ATG7: variants seen among roughly 807,000 people sequenced by gnomAD.
The protein encoded by ATG7 is ubiquitin-like modifier-activating enzyme ATG7.
ATG7 carries 70 observed loss-of-function variants against 82.4 expected under a neutral mutation model. That is an observed-to-expected ratio of 0.85 (90% CI 0.70 to 1.04). ATG7 has a LOEUF of 1.04. ATG7 is among the 50% of genes least tolerant of loss of function. The probability of loss-of-function intolerance (pLI) is 0.00; values close to 1 mark genes in which losing one functional copy is unlikely to be tolerated. For synonymous variants in ATG7, 287 were observed against 313.0 expected (o/e 0.92, Z 0.88); for missense variants, 792 against 864.3 (o/e 0.92, Z 1.05).
intron 20 of ATG7, among the ~76,000 whole-genome samples, chr3:11,513,566 CG>C (rs777434846): frequency 1.2e-4 from 19 of 152,340 alleles, no homozygotes; most frequent in Non-Finnish European, 2.1e-4. Context: ...CACGCCCACC[CG>C]GAACTCCAGC....
intron 20 of ATG7, chr3:11,510,309 G>A (rs939043171): frequency 2.2e-6 from 1 of 455,638 alleles, no homozygotes; most frequent in African/African-American, 2.0e-5. Flanking sequence ...ACAATTCCTT[G>A]CATTCATACT....
intron 20 of ATG7, among the ~76,000 whole-genome samples, chr3:11,551,945 C>T (rs1291835455): frequency 1.3e-5 from 2 of 149,750 alleles, no homozygotes; most frequent in Non-Finnish European, 3.0e-5. Context: ...GACGGGGTTT[C>T]ACCATGTTGG....
chr3:11,536,222 TA>T (rs2070282820), intron 20 of ATG7, among the ~76,000 whole-genome samples: 1 of 152,146 alleles, frequency 6.6e-6, no homozygotes, highest in Non-Finnish European at 1.5e-5. Context: ...AGAGGCTCAT[TA>T]GGGGTGAACT....
At chr3:11,287,844 T>A (rs1223413468) in intron 3 of ATG7, among the ~76,000 whole-genome samples, 1 of 152,216 alleles carries the variant, frequency 6.6e-6, no homozygotes, top group African/African-American at 2.4e-5. Flanking sequence ...GCCAAAAATA[T>A]CAGTCTTCCT....
chr3:11,573,291 GAAA>G, the ATG7 span, among the ~76,000 whole-genome samples: 506 of 10,914 alleles, frequency 0.046, 60 homozygotes, highest in Middle Eastern at 0.14. Flanking sequence ...AAGAAAGAAA[GAAA>G]GAAAGAAAGA....
chr3:11,287,416 G>A (rs1944267098), intron 3 of ATG7, among the ~76,000 whole-genome samples: 2 of 152,190 alleles, frequency 1.3e-5, no homozygotes, highest in Admixed American at 6.5e-5. Flanking sequence ...AGACAGAGGG[G>A]CTGTGAGTTC....
intron 20 of ATG7, among the ~76,000 whole-genome samples, chr3:11,459,853 C>T (rs112571803): frequency 0.015 from 2,218 of 152,290 alleles, 54 homozygotes; most frequent in African/African-American, 0.051. Flanking sequence ...CGTATAGTAA[C>T]AGTAGATGAT....
chr3:11,444,185 G>T (rs2084295952), intron 20 of ATG7, among the ~76,000 whole-genome samples: 1 of 152,086 alleles, frequency 6.6e-6, no homozygotes, highest in Non-Finnish European at 1.5e-5. Flanking sequence ...TTCATAATTG[G>T]ATATATTGAA....
chr3:11,406,958 A>G (rs1006393835), intron 19 of ATG7, among the ~76,000 whole-genome samples: 6 of 152,174 alleles, frequency 3.9e-5, no homozygotes, highest in Non-Finnish European at 4.4e-5. Flanking sequence ...CAAATTTCGT[A>G]TCTTCACATT....
chr3:11,465,543 G>C (rs1398882984), intron 20 of ATG7, among the ~76,000 whole-genome samples: 1 of 151,846 alleles, frequency 6.6e-6, no homozygotes, highest in Non-Finnish European at 1.5e-5. Flanking sequence ...CTAGGAGTGT[G>C]AGACCAGCCT....
intron 11 of ATG7, among the ~76,000 whole-genome samples, chr3:11,337,494 A>C (rs574900394): frequency 1.3e-3 from 203 of 150,780 alleles, no homozygotes; most frequent in African/African-American, 2.4e-3. Flanking sequence ...CTCTCTATAT[A>C]TATATATATA....
chr3:11,445,028 C>T (rs1440126555), intron 20 of ATG7, among the ~76,000 whole-genome samples: 1 of 152,106 alleles, frequency 6.6e-6, no homozygotes, highest in African/African-American at 2.4e-5. Context: ...CCAGTCAGAA[C>T]GGCTATTATG....
chr3:11,451,533 A>C (rs946442911), intron 20 of ATG7, among the ~76,000 whole-genome samples: 5 of 152,198 alleles, frequency 3.3e-5, no homozygotes, highest in Non-Finnish European at 7.4e-5. Context: ...GATGGTGTCT[A>C]CCTAATGATT....
At chr3:11,311,040 GAC>G (rs1455496545) in intron 7 of ATG7, among the ~76,000 whole-genome samples, 1 of 152,180 alleles carries the variant, frequency 6.6e-6, no homozygotes, top group Non-Finnish European at 1.5e-5. Flanking sequence ...AGAACATGCT[GAC>G]AGTTTGCATT....
chr3:11,348,120 GA>G, intron 14 of ATG7, 85 bp downstream of exon 14: 2 of 1,492,586 alleles, frequency 1.3e-6, no homozygotes, highest in Non-Finnish European at 1.8e-6. Context: ...ATTGAAGAAA[GA>G]GAGTCAGATA....
At chr3:11,505,916 C>G (rs965368463) in intron 20 of ATG7, among the ~76,000 whole-genome samples, 5 of 152,158 alleles carry the variant, frequency 3.3e-5, no homozygotes, top group Admixed American at 2.6e-4. Flanking sequence ...ACCCCTGGCT[C>G]CACCATCTTC....
chr3:11,571,449 C>T, the ATG7 span, among the ~76,000 whole-genome samples: 81 of 152,188 alleles, frequency 5.3e-4, no homozygotes, highest in Admixed American at 4.4e-3. Context: ...TTTGGGAGGC[C>T]AACGTAGGTG....
chr3:11,533,558 C>G (rs1444001733), intron 20 of ATG7, among the ~76,000 whole-genome samples: 1 of 112,918 alleles, frequency 8.9e-6, no homozygotes, highest in Non-Finnish European at 1.8e-5. Flanking sequence ...AAAAAAAAAG[C>G]CATTACACAA....
intron 20 of ATG7, among the ~76,000 whole-genome samples, chr3:11,530,145 A>G (rs2092666805): frequency 6.6e-6 from 1 of 152,204 alleles, no homozygotes; most frequent in South Asian, 2.1e-4. Flanking sequence ...AAGAGCCAGC[A>G]CAGATGTGTT....
Sources: allele counts gnomAD v4.1 joint callset (sites outside exome capture counted in the v4.1 genomes callset), GRCh38; gene constraint gnomAD v4.1.1; transcripts MANE v1.5; gene names NCBI Gene and HGNC (gene_info 2026-07-23, HGNC 2026-07-21).